AACS: variants seen among roughly 807,000 people sequenced by gnomAD.
The protein encoded by AACS is acetoacetyl-CoA synthetase.
Under a neutral mutation model 83.1 loss-of-function variants are expected in AACS, and 69 were observed. The ratio of observed to expected loss-of-function variants is 0.83; its 90% CI spans 0.68 to 1.01. The LOEUF is 1.01. AACS is among the 50% of genes least tolerant of loss of function. The probability of loss-of-function intolerance (pLI) is 0.00; values close to 1 mark genes in which losing one functional copy is unlikely to be tolerated. For synonymous variants in AACS, 333 were observed against 343.4 expected (o/e 0.97, Z 0.33); for missense variants, 866 against 882.2 (o/e 0.98, Z 0.23).
chr12:125,106,677 A>G (rs1223262195), intron 7 of AACS, among the ~76,000 whole-genome samples: 1 of 152,156 alleles, frequency 6.6e-6, no homozygotes, highest in African/African-American at 2.4e-5. Flanking sequence ...CTTTTGGGCA[A>G]TCATTGGAAA....
intron 3 of AACS, among the ~76,000 whole-genome samples, chr12:125,077,298 CAGG>C (rs1439988670): frequency 6.6e-6 from 1 of 151,938 alleles, no homozygotes; most frequent in East Asian, 1.9e-4. Flanking sequence ...ATCACGAGGT[CAGG>C]AGATCGAGAC....
At chr12:125,086,476 G>T (rs139899555) in intron 4 of AACS, 33 bp downstream of exon 4, 1 of 1,599,506 alleles carries the variant, frequency 6.3e-7, no homozygotes, top group Non-Finnish European at 8.6e-7. Flanking sequence ...ATGGTTTGAG[G>T]GAGGAGACCA....
At chr12:125,076,277 T>A (rs1221693883) in intron 2 of AACS, among the ~76,000 whole-genome samples, 1 of 152,240 alleles carries the variant, frequency 6.6e-6, no homozygotes, top group Non-Finnish European at 1.5e-5. Flanking sequence ...ATGGTTGTTT[T>A]CCGTTGGCAT....
intron 15 of AACS, among the ~76,000 whole-genome samples, 159 bp downstream of exon 15, chr12:125,134,231 G>C (rs1957368464): frequency 6.6e-6 from 1 of 152,128 alleles, no homozygotes; most frequent in African/African-American, 2.4e-5. Flanking sequence ...ACCTCTGCTG[G>C]TGTCTGGGAC....
At position 125,125,348 on chromosome 12, in the gene AACS, G is replaced by T. The variant is rs112462722; in HGVS notation, c.1309+324G>T. Reference sequence around the variant, plus strand: ...GCAAAAGAGAAAATGCAGTTCAGAAGCATTCAGTGACTTGCCCAAGGCTGC... The same window carrying T: ...GCAAAAGAGAAAATGCAGTTCAGAATCATTCAGTGACTTGCCCAAGGCTGC... On this transcript the variant is annotated intron_variant, in intron 12 of 17. Coordinates refer to ENST00000316519, the MANE Select transcript of AACS (RefSeq NM_023928.5). 2.6e-3 allele frequency among the ~76,000 whole-genome samples: 399 copies of T among 152,328 alleles called. 2 individuals are homozygous for T. Among genetic ancestry groups the T allele is most frequent in the African/African-American group, 9.0e-3 (376 of 41,578 alleles).
At chr12:125,111,100 C>T (rs1026858728) in intron 8 of AACS, among the ~76,000 whole-genome samples, 5 of 152,200 alleles carry the variant, frequency 3.3e-5, no homozygotes, top group African/African-American at 1.2e-4. Context: ...GTTACACTGG[C>T]TCAACGGAGT....
chr12:125,137,475 C>T (rs561911162), intron 17 of AACS, among the ~76,000 whole-genome samples: 1 of 152,392 alleles, frequency 6.6e-6, no homozygotes, highest in East Asian at 1.9e-4. Context: ...AGCCACTCTA[C>T]CCAGCCAATT....
At chr12:125,109,657 C>A (rs993456275) in intron 8 of AACS, among the ~76,000 whole-genome samples, 1 of 152,318 alleles carries the variant, frequency 6.6e-6, no homozygotes, top group Admixed American at 6.5e-5. Context: ...GTGCCGCCCC[C>A]TCATCTATGG....
chr12:125,119,089 A>G (rs1389771323), intron 10 of AACS, among the ~76,000 whole-genome samples: 1 of 152,224 alleles, frequency 6.6e-6, no homozygotes. Flanking sequence ...TAAAAATGGT[A>G]TGTATCGTAA....
chr12:125,076,435 T>A, intron 2 of AACS, 56 bp from the exon 3 acceptor site: 1 of 1,581,536 alleles, frequency 6.3e-7, no homozygotes, highest in Non-Finnish European at 8.6e-7. Context: ...CATGTTTTGC[T>A]GATCTGTAGC....
chr12:125,140,311 C>T lies in AACS; in HGVS notation c.1882-1781C>T, dbSNP rs1058031. On this transcript the variant is annotated intron_variant, in intron 17 of 17. Transcript: ENST00000316519. This position sits in a 1 kb window ranked among gnomAD's most constrained non-coding sequence, Gnocchi z 5.1. ...GGCTTCTTCCTTTCTCTTTCCCTTT[C>T]CTCTACCTTTTCCCCTCTCCCCAGA... The T allele has an allele frequency of 0.085, 12,900 of 152,258 alleles. 1,032 individuals carry two copies. Among genetic ancestry groups the T allele is most frequent in the African/African-American group, 0.21 (8,734 of 41,462 alleles). The allele number at this position is 152,258 out of a possible 1,614,324, so 9.4% of individuals were successfully genotyped here.
rs1957114729 is a variant in AACS at position 125,119,392 on chromosome 12, G to A, written c.1121+627G>A. ...TTTCACACAGGTTCTGCAGATTCAGGAGTGAGATTGTATTCATCCATTTTC... is the reference window on the plus strand; with the variant it reads ...TTTCACACAGGTTCTGCAGATTCAGAAGTGAGATTGTATTCATCCATTTTC... On this transcript the variant is annotated intron_variant, in intron 10 of 17. Transcript: ENST00000316519. Among the ~76,000 whole-genome samples the A allele has an allele frequency of 3.3e-5, 5 of 152,214 alleles. No homozygotes were observed. In the South Asian group the frequency reaches 1.0e-3, roughly 32 times the overall value.
chr12:125,114,680 C>G (rs1240638173), intron 9 of AACS, 123 bp downstream of exon 9: 1 of 628,170 alleles, frequency 1.6e-6, no homozygotes, highest in South Asian at 2.3e-5. Flanking sequence ...TAAGGGCTTC[C>G]CCAGGTGCTG....
chr12:125,070,059 GGAAT>G (rs1955818434), intron 1 of AACS, among the ~76,000 whole-genome samples: 1 of 152,172 alleles, frequency 6.6e-6, no homozygotes, highest in Non-Finnish European at 1.5e-5. Flanking sequence ...CCCATCCCAT[GGAAT>G]GCAAGCTCTA....
intron 1 of AACS, 79 bp from the exon 2 acceptor site, chr12:125,073,797 G>C (rs1201425781): frequency 1.5e-5 from 18 of 1,171,770 alleles, no homozygotes; most frequent in Non-Finnish European, 2.2e-5. Context: ...CATGCTCAAG[G>C]CTTCTGAGGT....
chr12:125,118,362 C>A, intron 9 of AACS: 1 of 400,242 alleles, frequency 2.5e-6, no homozygotes, highest in Non-Finnish European at 4.7e-6. Context: ...TGTGGCCTTG[C>A]TTGTGTCGAT....
chr12:125,087,280 C>T (rs1299781012), intron 4 of AACS, among the ~76,000 whole-genome samples: 3 of 152,190 alleles, frequency 2.0e-5, no homozygotes, highest in Non-Finnish European at 2.9e-5. Context: ...TGTCTTCCCA[C>T]TCTGGGCCGG....
intron 3 of AACS, among the ~76,000 whole-genome samples, chr12:125,083,973 C>T (rs761804139): frequency 5.3e-5 from 8 of 152,070 alleles, no homozygotes; most frequent in Non-Finnish European, 1.0e-4. Context: ...ATTATTGATG[C>T]ATGCAATAAC....
Position 125,136,871 on chromosome 12 carries a change from C to G in AACS, c.1881+7C>G. 6.2e-7 allele frequency: 1 copy of G among 1,611,688 alleles called. No homozygotes were observed. Among genetic ancestry groups the G allele is most frequent in the Non-Finnish European group, 8.5e-7 (1 of 1,179,618 alleles). On this transcript the variant is annotated splice_region_variant and intron_variant, in intron 17 of 17. Transcript: ENST00000316519. ...GGAAACCAAGGGCATCCCGGTATGG[C>G]CATCTCCCGCCAGCGAGGAGACCGC...
Sources: allele counts gnomAD v4.1 joint callset (sites outside exome capture counted in the v4.1 genomes callset), GRCh38; gene constraint gnomAD v4.1.1; non-coding constraint Gnocchi (gnomAD v3.1); transcripts MANE v1.5; gene names NCBI Gene and HGNC (gene_info 2026-07-23, HGNC 2026-07-21).